CDK7: variants seen among roughly 807,000 people sequenced by gnomAD.
CDK7 encodes the protein cyclin-dependent kinase 7.
Under a neutral mutation model 49.1 loss-of-function variants are expected in CDK7, and 25 were observed. That is an observed-to-expected ratio of 0.51 (90% CI 0.37 to 0.71). The LOEUF is 0.71. CDK7 is among the 30% of genes least tolerant of loss of function. The probability of loss-of-function intolerance (pLI) is 0.00; values close to 1 mark genes in which losing one functional copy is unlikely to be tolerated. For synonymous variants in CDK7, 107 were observed against 140.0 expected, an observed-to-expected ratio of 0.76 and a Z score of 1.67; for missense variants, 316 against 411.7, an observed-to-expected ratio of 0.77 and a Z score of 2.01.
At chr5:69,258,882 C>T (rs1311194984) in intron 6 of CDK7, among the ~76,000 whole-genome samples, 1 of 151,978 alleles carries the variant, frequency 6.6e-6, no homozygotes, top group Non-Finnish European at 1.5e-5. Flanking sequence ...TCTAGACCAG[C>T]CTGGGCAATA....
Position 69,234,887 on chromosome 5 carries a change from G to T in CDK7, c.-89G>T. On this transcript the variant is annotated 5_prime_UTR_variant, in exon 1 of 12. Coordinates refer to ENST00000256443, the MANE Select transcript of CDK7 (RefSeq NM_001799.4). Reference sequence around the variant, plus strand: ...AAGCGACGGAGCCCGGTGGACGGAAGTGGGTGTTGGAGGCTTTAAGGTAGC... The same window carrying T: ...AAGCGACGGAGCCCGGTGGACGGAATTGGGTGTTGGAGGCTTTAAGGTAGC... 1.6e-6 allele frequency: 2 copies of T among 1,283,442 alleles called. No individual in the cohort carries two copies. Among genetic ancestry groups the T allele is most frequent in the East Asian group, 2.5e-5 (1 of 39,310 alleles). The allele number at this position is 1,283,442 out of a possible 1,614,324, so 79.5% of individuals were successfully genotyped here. A position where few individuals can be genotyped will look rare whatever the true frequency, so the allele number is the denominator to read the frequency against.
chr5:69,266,236 G>A (rs1436520637), intron 8 of CDK7, among the ~76,000 whole-genome samples: 6 of 152,188 alleles, frequency 3.9e-5, no homozygotes, highest in Admixed American at 3.3e-4. Flanking sequence ...AGACAGCACA[G>A]GAGAAAAACA....
chr5:69,274,382 C>A (rs905675500), intron 10 of CDK7, among the ~76,000 whole-genome samples: 2 of 152,156 alleles, frequency 1.3e-5, no homozygotes, highest in African/African-American at 4.8e-5. Flanking sequence ...CACCTGTAAT[C>A]CCAGCACTTT....
At chr5:69,266,760 G>A (rs375761918) in intron 8 of CDK7, among the ~76,000 whole-genome samples, 9 of 151,424 alleles carry the variant, frequency 5.9e-5, no homozygotes, top group Non-Finnish European at 1.5e-5. Flanking sequence ...TATAGAAATC[G>A]ATATTTAATA....
In CDK7 at chr5:69,252,424, C is replaced by A; in HGVS notation, c.133C>A (p.Leu45Ile). The change falls in exon 3 of 12, where the codon CTT becomes ATT. Residue 45 changes from leucine (L) to isoleucine (I), a missense_variant. By Grantham distance (5) the Leu-to-Ile change is conservative. Coordinates refer to ENST00000256443, the MANE Select transcript of CDK7 (RefSeq NM_001799.4). ...TTTTTTCCGTTTCTACCAGATCAAA[C>A]TTGGACATAGATCAGAAGCTAAAGA... ...NQIVAIKKIK[L>I]GHRSEAKDGI... 6.5e-7 allele frequency: 1 copy of A among 1,528,172 alleles called. No homozygotes were observed. The highest frequency in any genetic ancestry group is 8.8e-7 in the Non-Finnish European group (1 of 1,130,908). 94.7% of individuals were successfully genotyped at this position (1,528,172 alleles called of 1,614,324 possible).
At chr5:69,276,174 A>G (rs890461251) in intron 10 of CDK7, among the ~76,000 whole-genome samples, 15 of 152,034 alleles carry the variant, frequency 9.9e-5, no homozygotes, top group African/African-American at 3.6e-4. Context: ...GACTACAGAC[A>G]TGCACCACCA....
At position 69,262,318 on chromosome 5, in the gene CDK7, A is replaced by AGG; in HGVS notation, c.627+14_627+15insGG. 1 of 1,614,068 alleles carries AGG rather than the reference A, an allele frequency of 6.2e-7. No individual in the cohort carries two copies. Among genetic ancestry groups the AGG allele is most frequent in the South Asian group, 1.1e-5 (1 of 91,080 alleles). On this transcript the variant is annotated intron_variant, in intron 8 of 11. Transcript: ENST00000256443. ...TTACTTCTAAGGGTAAGTCTAAATT[A>AGG]ATGTACGCACTTTAATATTGTTGTT...
intron 5 of CDK7, 111 bp downstream of exon 5, chr5:69,255,639 T>C (rs774080606): frequency 5.9e-6 from 5 of 847,542 alleles, no homozygotes; most frequent in South Asian, 1.3e-5. Context: ...AAAAGCTTAA[T>C]TTTGTTGAAA....
intron 10 of CDK7, among the ~76,000 whole-genome samples, chr5:69,275,971 A>G (rs949661531): frequency 1.3e-5 from 2 of 152,210 alleles, no homozygotes; most frequent in Non-Finnish European, 2.9e-5. Context: ...AGCATTTTAG[A>G]TAAGATATAT....
chr5:69,254,352 C>G (rs6450027), intron 3 of CDK7, among the ~76,000 whole-genome samples: 1 of 151,434 alleles, frequency 6.6e-6, no homozygotes, highest in Non-Finnish European at 1.5e-5. Flanking sequence ...TGAAACCCCG[C>G]CTTTACTAAA....
rs2972388 is a variant in CDK7 at position 69,235,426 on chromosome 5, C to T, written c.99C>T (p.Asn33=). 879,889 of 1,589,374 alleles carry T rather than the reference C, an allele frequency of 0.55. 247,381 individuals are homozygous for T. The highest frequency in any genetic ancestry group is 0.72 in the African/African-American group (53,528 of 74,408). ...FATVYKARDK[N]TNQIVAIKKI... is the part of the protein sequence containing the mutation. ...CCGTTTACAAGGCCAGAGATAAGAA[C>T]ACCAACCAAATTGTCGCCATTAAGA... Residue 33 remains asparagine, a synonymous_variant, in exon 2 of 12, where the codon AAC becomes AAT. Transcript: ENST00000256443.
chr5:69,242,129 C>T (rs1416818941), intron 2 of CDK7, among the ~76,000 whole-genome samples: 1 of 152,098 alleles, frequency 6.6e-6, no homozygotes, highest in Non-Finnish European at 1.5e-5. Flanking sequence ...ATATGGATAT[C>T]CAATTTTCCC....
At chr5:69,250,871 G>C (rs909817309) in intron 2 of CDK7, 2 of 456,528 alleles carry the variant, frequency 4.4e-6, no homozygotes, top group Non-Finnish European at 8.8e-6. Context: ...TCAGGGCCCA[G>C]GGGCTCTATA....
chr5:69,251,143 G>C (rs890549822), intron 2 of CDK7, among the ~76,000 whole-genome samples: 1 of 149,320 alleles, frequency 6.7e-6, no homozygotes, highest in African/African-American at 2.5e-5. Context: ...TGTCACCCAG[G>C]CTGGAGTGCA....
At chr5:69,235,524 T>A in intron 2 of CDK7, 71 bp downstream of exon 2, 1 of 998,110 alleles carries the variant, frequency 1.0e-6, no homozygotes, top group Non-Finnish European at 1.6e-6. Context: ...CTGATAGCCA[T>A]TTTATTAGTC....
intron 2 of CDK7, among the ~76,000 whole-genome samples, chr5:69,236,783 C>G (rs1490853395): frequency 6.6e-6 from 1 of 151,720 alleles, no homozygotes; most frequent in African/African-American, 2.4e-5. Flanking sequence ...TCTCCAGTAG[C>G]TGGGACTACA....
At chr5:69,249,375 T>C (rs1189091809) in intron 2 of CDK7, among the ~76,000 whole-genome samples, 2 of 151,326 alleles carry the variant, frequency 1.3e-5, no homozygotes, top group Non-Finnish European at 2.9e-5. Flanking sequence ...ACCCCATCTC[T>C]ACAGAATATA....
At chr5:69,244,771 CT>C (rs1749625170) in intron 2 of CDK7, among the ~76,000 whole-genome samples, 1 of 151,916 alleles carries the variant, frequency 6.6e-6, no homozygotes, top group South Asian at 2.1e-4. Context: ...TGTGTTCAAG[CT>C]CTTAAAGGAA....
At chr5:69,246,431 G>A (rs758515879) in intron 2 of CDK7, among the ~76,000 whole-genome samples, 3 of 151,998 alleles carry the variant, frequency 2.0e-5, no homozygotes, top group African/African-American at 4.8e-5. Flanking sequence ...CACCGCACCC[G>A]GCCAGAAGTT....
Sources: gnomAD v4.1 joint callset for allele counts (sites outside exome capture counted in the v4.1 genomes callset) on GRCh38, gnomAD v4.1.1 for gene constraint, MANE v1.5 for transcripts, NCBI Gene and HGNC (gene_info 2026-07-23, HGNC 2026-07-21) for gene names.